Variants in DENND1A observed in about 807,000 individuals in gnomAD.
The protein encoded by DENND1A is DENN domain containing 1A, also known as DENN domain-containing protein 1A.
Under a neutral mutation model 113.7 loss-of-function variants are expected in DENND1A, and 51 were observed. That is an observed-to-expected ratio of 0.45 (90% CI 0.36 to 0.57). DENND1A has a LOEUF of 0.57. Ranked by LOEUF, DENND1A falls within the 20% of genes least tolerant of loss-of-function variation. The probability of loss-of-function intolerance (pLI) is 0.00; values close to 1 mark genes in which losing one functional copy is unlikely to be tolerated. For missense variants in DENND1A, 1,258 were observed against 1,395.9 expected, an observed-to-expected ratio of 0.90 and a Z score of 1.57; for synonymous variants, 565 against 570.8, an observed-to-expected ratio of 0.99 and a Z score of 0.14.
At chr9:123,637,080 C>T (rs759853377) in intron 9 of DENND1A, among the ~76,000 whole-genome samples, 75 of 152,200 alleles carry the variant, frequency 4.9e-4, no homozygotes, top group Non-Finnish European at 1.0e-3. Flanking sequence ...GCTCTAAAAG[C>T]TGGCAGAGGA....
chr9:123,562,720 T>C (rs896099400), intron 12 of DENND1A, among the ~76,000 whole-genome samples: 1 of 152,192 alleles, frequency 6.6e-6, no homozygotes, highest in African/African-American at 2.4e-5. Flanking sequence ...GTATTTTTCT[T>C]TAATAGTCAA....
chr9:123,685,282 C>G (rs2063029211), intron 5 of DENND1A, among the ~76,000 whole-genome samples: 1 of 152,218 alleles, frequency 6.6e-6, no homozygotes, highest in African/African-American at 2.4e-5. Flanking sequence ...CTAAGCCAGT[C>G]TCACCCAGTC....
chr9:123,465,485 C>A (rs1289932704), intron 13 of DENND1A, among the ~76,000 whole-genome samples: 1 of 152,138 alleles, frequency 6.6e-6, no homozygotes, highest in Non-Finnish European at 1.5e-5. Flanking sequence ...AGGTGACTAA[C>A]TTGTCCCTCC....
chr9:123,555,839 G>A (rs1028743149), intron 13 of DENND1A, among the ~76,000 whole-genome samples: 5 of 152,146 alleles, frequency 3.3e-5, no homozygotes, highest in Admixed American at 1.3e-4. Context: ...AATATGTCCC[G>A]AACTTCAGCT....
At chr9:123,476,987 G>A (rs2049969620) in intron 13 of DENND1A, among the ~76,000 whole-genome samples, 1 of 152,108 alleles carries the variant, frequency 6.6e-6, no homozygotes, top group South Asian at 2.1e-4. Context: ...AGGGTAGGTG[G>A]TCAATATGTC....
Position 123,857,942 on chromosome 9 carries a change from C to T in DENND1A, c.88+21009G>A, listed in dbSNP as rs1444481103. Among the ~76,000 whole-genome samples the T allele has an allele frequency of 3.3e-5, 5 of 151,974 alleles. No individual in the cohort carries two copies. In the East Asian group the frequency reaches 9.7e-4, roughly 29 times the overall value. ...GGCGTGGTGGCGGACGCCTGTAGTC[C>T]CAGCTACTCAGGAAGCTGAGGCAGG... On this transcript the variant is annotated intron_variant, in intron 2 of 23. Transcript: ENST00000394215.
At chr9:123,744,768 C>CT (rs1564184468) in intron 5 of DENND1A, among the ~76,000 whole-genome samples, 6 of 137,950 alleles carry the variant, frequency 4.3e-5, no homozygotes, top group African/African-American at 5.9e-5. Flanking sequence ...CTTATATTAG[C>CT]TCTTTTTTTT....
intron 3 of DENND1A, among the ~76,000 whole-genome samples, chr9:123,778,418 A>G (rs976258315): frequency 6.6e-6 from 1 of 152,178 alleles, no homozygotes; most frequent in Admixed American, 6.5e-5. Context: ...TCATTTCACC[A>G]CCAAAAATGT....
At chr9:123,543,580 G>A (rs1198326319) in intron 13 of DENND1A, among the ~76,000 whole-genome samples, 1 of 152,118 alleles carries the variant, frequency 6.6e-6, no homozygotes, top group African/African-American at 2.4e-5. Flanking sequence ...CCTCAGCCAC[G>A]CTCCTTCTGT....
intron 2 of DENND1A, among the ~76,000 whole-genome samples, chr9:123,793,204 A>G (rs1833267989): frequency 1.3e-5 from 2 of 152,334 alleles, no homozygotes; most frequent in South Asian, 4.1e-4. Context: ...TTGTCAGTGT[A>G]AACAAAATAT....
At chr9:123,476,045 C>T (rs948983491) in intron 13 of DENND1A, among the ~76,000 whole-genome samples, 2 of 152,154 alleles carry the variant, frequency 1.3e-5, no homozygotes, top group Admixed American at 6.5e-5. Flanking sequence ...ATTAGCTGGG[C>T]GTGGTGGTGT....
intron 19 of DENND1A, among the ~76,000 whole-genome samples, chr9:123,426,760 G>A (rs998103043): frequency 1.3e-5 from 2 of 152,210 alleles, no homozygotes; most frequent in Non-Finnish European, 2.9e-5. Context: ...TAAAAGGTGA[G>A]AAATGTCCAT....
Position 123,440,441 on chromosome 9 carries a change from C to G in DENND1A, c.1407G>C (p.Lys469Asn), listed in dbSNP as rs1317241697. The change falls in exon 19 of 24, where the codon AAG becomes AAC. Residue 469 changes from lysine to asparagine, a missense_variant. Physicochemically the swap from Lys to Asn is moderately conservative, Grantham distance 94 (BLOSUM62 0). Transcript: ENST00000394215. ...CCTCCACCAGTGGGGACGGTGCAGTCTTTGGCAGCTGCTCTTCTGGGGTGG... is the reference window on the plus strand; with the variant it reads ...CCTCCACCAGTGGGGACGGTGCAGTGTTTGGCAGCTGCTCTTCTGGGGTGG... ...CAPTPEEQLP[K>N]TAPSPLVEAK... 3 of 1,573,390 alleles carry G rather than the reference C, an allele frequency of 1.9e-6. No individual in the cohort carries two copies. The African/African-American group carries it at 4.2e-5, about 22-fold the overall frequency.
At chr9:123,655,238 C>T (rs12377523) in intron 8 of DENND1A, among the ~76,000 whole-genome samples, 1 of 151,932 alleles carries the variant, frequency 6.6e-6, no homozygotes, top group East Asian at 1.9e-4. Flanking sequence ...TATGTTTTTG[C>T]CACGAGACGG....
At chr9:123,740,533 T>C (rs1389904159) in intron 5 of DENND1A, among the ~76,000 whole-genome samples, 1 of 152,200 alleles carries the variant, frequency 6.6e-6, no homozygotes, top group Non-Finnish European at 1.5e-5. Context: ...CCTTTTCTTA[T>C]TATTCCCTTT....
chr9:123,804,031 C>T (rs980970257), intron 2 of DENND1A, among the ~76,000 whole-genome samples: 1 of 152,192 alleles, frequency 6.6e-6, no homozygotes, highest in African/African-American at 2.4e-5. Flanking sequence ...TGGCTGTGTC[C>T]CCAACCAAAT....
At chr9:123,774,258 T>G (rs1283126087) in intron 3 of DENND1A, among the ~76,000 whole-genome samples, 1 of 152,050 alleles carries the variant, frequency 6.6e-6, no homozygotes, top group Non-Finnish European at 1.5e-5. Context: ...AAACTCAAGT[T>G]GAAAGTTAAA....
At chr9:123,480,970 C>T (rs1401638779) in intron 13 of DENND1A, among the ~76,000 whole-genome samples, 1 of 152,242 alleles carries the variant, frequency 6.6e-6, no homozygotes, top group Non-Finnish European at 1.5e-5. Flanking sequence ...TATAGACATG[C>T]GCACACATTG....
intron 2 of DENND1A, among the ~76,000 whole-genome samples, chr9:123,851,194 A>G (rs942164297): frequency 6.6e-6 from 1 of 151,936 alleles, no homozygotes; most frequent in Non-Finnish European, 1.5e-5. Context: ...ACTCCCCACC[A>G]CCCATCCCTA....
Sources: allele counts gnomAD v4.1 joint callset (sites outside exome capture counted in the v4.1 genomes callset), GRCh38; gene constraint gnomAD v4.1.1; transcripts MANE v1.5; gene names NCBI Gene and HGNC (gene_info 2026-07-23, HGNC 2026-07-21).